The following LRRIQ3 variants were observed in gnomAD, a reference collection of about 807,000 sequenced individuals.
LRRIQ3 encodes the protein leucine rich repeats and IQ motif containing 3, also known as leucine-rich repeat and IQ domain-containing protein 3.
LRRIQ3 carries 75 observed loss-of-function variants against 59.3 expected under a neutral mutation model. The ratio of observed to expected loss-of-function variants is 1.26; its 90% CI spans 1.05 to 1.53. The LOEUF is 1.53. Ranked by LOEUF, LRRIQ3 falls within the 40% of genes most tolerant of loss-of-function variation. LRRIQ3 has a pLI of 0.00. For synonymous variants in LRRIQ3, 250 were observed against 231.3 expected (o/e 1.08, Z -0.73); for missense variants, 831 against 710.0 (o/e 1.17, Z -1.94).
chr1:74,069,916 C>T (rs575357415), intron 6 of LRRIQ3, among the ~76,000 whole-genome samples: 2 of 151,978 alleles, frequency 1.3e-5, no homozygotes, highest in East Asian at 3.9e-4. Context: ...AAATCAAAAC[C>T]ACAATGAAAT....
intron 4 of LRRIQ3, 66 bp from the exon 5 acceptor site, chr1:74,109,619 CAT>C: frequency 7.8e-7 from 1 of 1,289,792 alleles, no homozygotes. Flanking sequence ...GAAAATTAGT[CAT>C]GAGTTCACTT....
At position 74,027,107 on chromosome 1, in the gene LRRIQ3, T is replaced by C. The variant is rs569949402; in HGVS notation, c.1719-138A>G. 2.6e-4 allele frequency: 138 copies of C among 539,184 alleles called. No homozygotes were observed. The South Asian group carries it at 4.3e-3, about 17-fold the overall frequency. 33.4% of individuals were successfully genotyped at this position (539,184 alleles called of 1,614,324 possible). ...AGTGAGAAAGACACAACTCCATTTA[T>C]ATAACTTGGTTATATCATTAAACAA... On this transcript the variant is annotated intron_variant, in intron 7 of 7. Coordinates refer to ENST00000354431, the MANE Select transcript of LRRIQ3 (RefSeq NM_001105659.2).
intron 3 of LRRIQ3, among the ~76,000 whole-genome samples, chr1:74,170,031 T>A (rs1193000682): frequency 4.6e-5 from 7 of 152,206 alleles, no homozygotes; most frequent in African/African-American, 1.7e-4. Flanking sequence ...TGTTTGTTTG[T>A]CTTTGCTATT....
intron 6 of LRRIQ3, among the ~76,000 whole-genome samples, chr1:74,053,147 C>T (rs7542672): frequency 0.14 from 16,575 of 115,782 alleles, 1,236 homozygotes; most frequent in African/African-American, 0.24. Flanking sequence ...TTTCAACAAA[C>T]GGTAATGAAA....
chr1:74,191,772 A>C (rs529121370), intron 1 of LRRIQ3, among the ~76,000 whole-genome samples: 1 of 152,284 alleles, frequency 6.6e-6, no homozygotes, highest in South Asian at 2.1e-4. Context: ...TGTGGGATAT[A>C]GTACAAGCAG....
chr1:74,181,005 G>C, intron 3 of LRRIQ3: 1 of 513,978 alleles, frequency 1.9e-6, no homozygotes, highest in East Asian at 3.3e-5. Context: ...CTTTCCCTTG[G>C]ACTTAATGAG....
Position 74,063,665 on chromosome 1 carries a change from G to A in LRRIQ3, c.997+10996C>T, listed in dbSNP as rs12039467. Reference sequence around the variant, plus strand: ...GCCTCTCTTTATTTCTAGCAACACTGTTTTTTCATTTTAATTTTTTTGACT... The same window carrying A: ...GCCTCTCTTTATTTCTAGCAACACTATTTTTTCATTTTAATTTTTTTGACT... On this transcript the variant is annotated intron_variant, in intron 6 of 7. Transcript: ENST00000354431. Among the ~76,000 whole-genome samples, 80 of 152,016 alleles carry A rather than the reference G, an allele frequency of 5.3e-4. 1 individual carries two copies. The East Asian group carries it at 0.014, about 27-fold the overall frequency.
chr1:74,126,643 A>G (rs1646939758), intron 4 of LRRIQ3, among the ~76,000 whole-genome samples: 1 of 151,744 alleles, frequency 6.6e-6, no homozygotes. Context: ...TTTAATTTCC[A>G]TGTGTTTGTA....
intron 7 of LRRIQ3, among the ~76,000 whole-genome samples, chr1:74,039,943 C>T (rs1157733264): frequency 6.6e-6 from 1 of 151,938 alleles, no homozygotes; most frequent in Non-Finnish European, 1.5e-5. Flanking sequence ...AAAATATTAA[C>T]CTAAAGTGTA....
chr1:74,034,809 T>G (rs757321639), intron 7 of LRRIQ3, among the ~76,000 whole-genome samples: 1 of 150,840 alleles, frequency 6.6e-6, no homozygotes, highest in Non-Finnish European at 1.5e-5. Context: ...TGCTTTTTTT[T>G]ATTTAAAACT....
intron 7 of LRRIQ3, among the ~76,000 whole-genome samples, chr1:74,036,868 G>A (rs553728660): frequency 6.6e-6 from 1 of 152,300 alleles, no homozygotes; most frequent in South Asian, 2.1e-4. Context: ...CATGAATTAA[G>A]CACTTGTACT....
chr1:74,184,430 T>C (rs1292540430), intron 1 of LRRIQ3, among the ~76,000 whole-genome samples: 1 of 152,154 alleles, frequency 6.6e-6, no homozygotes, highest in Non-Finnish European at 1.5e-5. Context: ...AGAGAATGTA[T>C]GAGCTGAAGT....
In LRRIQ3 at chr1:74,057,749, C is replaced by T. The variant is rs148774665; in HGVS notation, c.998-15816G>A. ...AAGCAAAAATAGACAAATGGGATTA[C>T]ACCAAACTGAAAAGCTGCTGCACAG... On this transcript the variant is annotated intron_variant, in intron 6 of 7. Coordinates refer to ENST00000354431, the MANE Select transcript of LRRIQ3 (RefSeq NM_001105659.2). Among the ~76,000 whole-genome samples the T allele has an allele frequency of 3.0e-4, 45 of 152,166 alleles. 1 individual carries two copies. The East Asian group carries it at 8.1e-3, about 27-fold the overall frequency.
At chr1:74,099,641 G>A (rs1570111018) in intron 5 of LRRIQ3, among the ~76,000 whole-genome samples, 1 of 151,990 alleles carries the variant, frequency 6.6e-6, no homozygotes, top group Non-Finnish European at 1.5e-5. Flanking sequence ...GATGAACATC[G>A]ATGCAAAATT....
chr1:74,041,678 C>G lies in LRRIQ3; in HGVS notation c.1253G>C (p.Arg418Pro), dbSNP rs770132340. 6.2e-7 allele frequency: 1 copy of G among 1,613,396 alleles called. No individual in the cohort carries two copies. Among genetic ancestry groups the G allele is most frequent in the African/African-American group, 1.3e-5 (1 of 74,840 alleles). Residue 418 changes from arginine to proline, a missense_variant, in exon 7 of 8, where the codon CGA (arginine) becomes CCA (proline). Transcript: ENST00000354431. ...FAPQRAGMKL[R>P]TFSDIDKYYT... ...ATATTTGTCAATATCACTAAATGTT[C>G]GGAGTTTCATACCAGCTCTTTGTGG... is the stretch of plus-strand genomic sequence containing the variant.
intron 4 of LRRIQ3, among the ~76,000 whole-genome samples, chr1:74,150,741 C>T (rs1012096787): frequency 6.6e-6 from 1 of 152,056 alleles, no homozygotes; most frequent in African/African-American, 2.4e-5. Flanking sequence ...CTAAAACTTT[C>T]ACTCACTATA....
chr1:74,192,083 T>C (rs1650803054), intron 1 of LRRIQ3, among the ~76,000 whole-genome samples: 1 of 152,096 alleles, frequency 6.6e-6, no homozygotes, highest in South Asian at 2.1e-4. Context: ...TCTTCTACAA[T>C]GTAAAGCATC....
chr1:74,074,603 T>G, intron 6 of LRRIQ3, 58 bp downstream of exon 6: 2 of 810,260 alleles, frequency 2.5e-6, no homozygotes, highest in Non-Finnish European at 3.4e-6. Context: ...CTAATTATAT[T>G]ATTTACTCTT....
intron 4 of LRRIQ3, among the ~76,000 whole-genome samples, chr1:74,134,482 C>T (rs1425158750): frequency 6.6e-6 from 1 of 151,882 alleles, no homozygotes; most frequent in Non-Finnish European, 1.5e-5. Flanking sequence ...ATTATAAATA[C>T]ATACGTTAAT....
Sources: gnomAD v4.1 joint callset for allele counts (sites outside exome capture counted in the v4.1 genomes callset) on GRCh38, gnomAD v4.1.1 for gene constraint, MANE v1.5 for transcripts, NCBI Gene and HGNC (gene_info 2026-07-23, HGNC 2026-07-21) for gene names.